RIC1: variants seen among roughly 807,000 people sequenced by gnomAD.
RIC1 encodes the protein RIC1 partner of RAB6A GEF complex.
Under a neutral mutation model 169.0 loss-of-function variants are expected in RIC1, and 88 were observed. The observed-to-expected ratio is 0.52, with a 90% confidence interval of 0.44 to 0.62. RIC1 has a LOEUF of 0.62. RIC1 is among the 20% of genes least tolerant of loss of function. The probability of loss-of-function intolerance (pLI) is 0.00; values close to 1 mark genes in which losing one functional copy is unlikely to be tolerated. For missense variants in RIC1, 1,877 were observed against 1,725.5 expected, an observed-to-expected ratio of 1.09 and a Z score of -1.56; for synonymous variants, 790 against 601.5, an observed-to-expected ratio of 1.31 and a Z score of -4.59.
intron 1 of RIC1, among the ~76,000 whole-genome samples, chr9:5,632,913 A>C (rs1462820427): frequency 2.0e-5 from 3 of 152,206 alleles, no homozygotes; most frequent in Non-Finnish European, 4.4e-5. Context: ...CTCGTTTTTC[A>C]GGTCACCGAC....
chr9:5,648,487 G>C (rs964907880), intron 1 of RIC1, among the ~76,000 whole-genome samples: 7 of 152,116 alleles, frequency 4.6e-5, no homozygotes, highest in African/African-American at 1.7e-4. Context: ...ATGAACTTGG[G>C]GGTGCAAATA....
chr9:5,718,355 C>T (rs1362883096), intron 4 of RIC1, among the ~76,000 whole-genome samples: 1 of 151,912 alleles, frequency 6.6e-6, no homozygotes, highest in Non-Finnish European at 1.5e-5. Flanking sequence ...ATGTGATAGC[C>T]ATGAAGTCTT....
chr9:5,728,417 C>G (rs1385546257), intron 6 of RIC1, among the ~76,000 whole-genome samples: 4 of 152,204 alleles, frequency 2.6e-5, no homozygotes, highest in East Asian at 3.8e-4. Flanking sequence ...GTGGGAGTGT[C>G]CCGATTTTCC....
chr9:5,753,719 T>TTTATCACTTAC lies in RIC1; in HGVS notation c.1602+81_1602+82insTACTTATCACT, dbSNP rs1433295933. 7.8e-6 allele frequency: 5 copies of TTTATCACTTAC among 637,482 alleles called. No individual in the cohort carries two copies. In the East Asian group the frequency reaches 1.4e-4, roughly 18 times the overall value. The allele number at this position is 637,482 out of a possible 1,614,324, so 39.5% of individuals were successfully genotyped here. A position where few individuals can be genotyped will look rare whatever the true frequency, so the allele number is the denominator to read the frequency against. On this transcript the variant is annotated intron_variant, in intron 14 of 25. Coordinates refer to ENST00000414202, the MANE Select transcript of RIC1 (RefSeq NM_020829.4). ...ACTACAATATGAAATAGCTATAAAG[T>TTTATCACTTAC]TTATCACTAAGTAATTTTGGTTACT... is the stretch of plus-strand genomic sequence containing the variant.
At chr9:5,711,085 A>C (rs2130816874) in intron 3 of RIC1, among the ~76,000 whole-genome samples, 1 of 152,282 alleles carries the variant, frequency 6.6e-6, no homozygotes, top group Middle Eastern at 3.4e-3. Context: ...GTGCAATGAT[A>C]AACATTCACA....
At chr9:5,634,647 T>C (rs1817882708) in intron 1 of RIC1, among the ~76,000 whole-genome samples, 1 of 152,192 alleles carries the variant, frequency 6.6e-6, no homozygotes, top group Admixed American at 6.5e-5. Context: ...TTTGCAGATA[T>C]TTTCTCCTAT....
In RIC1 at chr9:5,763,319, G is replaced by C; in HGVS notation, c.2292G>C (p.Leu764Phe). The part of the protein sequence containing the change: ...PRDHRKPHSF[L>F]SQRIMLPFHI... ...ATCACCGCAAGCCCCATTCCTTCTT[G>C]TCCCAGCGGATCATGCTGCCTTTCC... is the stretch of plus-strand genomic sequence containing the variant. Residue 764 changes from leucine to phenylalanine, a missense_variant, in exon 19 of 26, where the codon TTG becomes TTC. Leu to Phe is a conservative substitution (Grantham distance 22). Coordinates refer to ENST00000414202, the MANE Select transcript of RIC1 (RefSeq NM_020829.4). The surrounding 1 kb of genome is among the most constrained non-coding windows in gnomAD (Gnocchi z 5.2). The C allele has an allele frequency of 6.2e-7, 1 of 1,614,130 alleles. No individual in the cohort carries two copies. The highest frequency in any genetic ancestry group is 2.2e-5 in the East Asian group (1 of 44,874).
At chr9:5,668,649 G>A (rs1819921908) in intron 2 of RIC1, among the ~76,000 whole-genome samples, 1 of 151,946 alleles carries the variant, frequency 6.6e-6, no homozygotes, top group Non-Finnish European at 1.5e-5. Context: ...TTTTCCGTCT[G>A]CTCAAATTTG....
intron 2 of RIC1, among the ~76,000 whole-genome samples, chr9:5,674,475 G>A (rs1820317157): frequency 6.6e-6 from 1 of 151,978 alleles, no homozygotes; most frequent in Non-Finnish European, 1.5e-5. Flanking sequence ...CTAGAAATAA[G>A]ACGGTGGTGA....
chr9:5,698,894 C>G (rs532210333), intron 3 of RIC1, among the ~76,000 whole-genome samples: 1 of 152,282 alleles, frequency 6.6e-6, no homozygotes, highest in South Asian at 2.1e-4. Context: ...AGTTCATTAA[C>G]TGCGAGGTTT....
At chr9:5,683,721 TTGTC>T (rs1821007652) in intron 2 of RIC1, among the ~76,000 whole-genome samples, 2 of 152,322 alleles carry the variant, frequency 1.3e-5, no homozygotes, top group South Asian at 4.1e-4. Context: ...TGCCTTTTGT[TTGTC>T]TGTGCCCTGC....
intron 3 of RIC1, among the ~76,000 whole-genome samples, chr9:5,690,720 A>G (rs946080555): frequency 6.6e-6 from 1 of 151,974 alleles, no homozygotes; most frequent in African/African-American, 2.4e-5. Context: ...TTGAATATTA[A>G]CAGAAAAAAA....
chr9:5,723,163 AG>A (rs1271123684), intron 6 of RIC1, among the ~76,000 whole-genome samples: 1 of 152,244 alleles, frequency 6.6e-6, no homozygotes, highest in Non-Finnish European at 1.5e-5. Flanking sequence ...ACTAGTTTAC[AG>A]TCCCACCAAC....
intron 1 of RIC1, among the ~76,000 whole-genome samples, chr9:5,640,627 A>G (rs1818193451): frequency 2.6e-5 from 4 of 152,038 alleles, no homozygotes; most frequent in Admixed American, 2.0e-4. Flanking sequence ...TGCTGTGTAA[A>G]CTACTCAAGT....
At chr9:5,654,600 C>T (rs779392919) in intron 1 of RIC1, among the ~76,000 whole-genome samples, 3 of 151,930 alleles carry the variant, frequency 2.0e-5, no homozygotes, top group African/African-American at 7.3e-5. Flanking sequence ...AGTGCAGTAG[C>T]GCAGTCTCAG....
intron 2 of RIC1, among the ~76,000 whole-genome samples, chr9:5,674,465 C>G (rs1820316531): frequency 6.6e-6 from 1 of 152,054 alleles, no homozygotes; most frequent in Non-Finnish European, 1.5e-5. Flanking sequence ...CCACAAAGTT[C>G]TAGAAATAAG....
At position 5,652,359 on chromosome 9, in the gene RIC1, A is replaced by G. The variant is rs527543575; in HGVS notation, c.145-4224A>G. ...ATCTATAAACATGGGATATCTTTCCATGTATTTGTGTTTTCTTCATTTTAT... is the reference window on the plus strand; with the variant it reads ...ATCTATAAACATGGGATATCTTTCCGTGTATTTGTGTTTTCTTCATTTTAT... On this transcript the variant is annotated intron_variant, in intron 1 of 25. Transcript: ENST00000414202. 4.6e-5 allele frequency among the ~76,000 whole-genome samples: 7 copies of G among 152,270 alleles called. No individual in the cohort carries two copies. In the East Asian group the frequency reaches 7.7e-4, roughly 17 times the overall value.
chr9:5,722,348 A>AGTGTGTGTGTGTGTGT (rs1554673860), intron 6 of RIC1, among the ~76,000 whole-genome samples: 4 of 131,298 alleles, frequency 3.0e-5, no homozygotes, highest in African/African-American at 1.2e-4. Context: ...AGAGAGAGAG[A>AGTGTGTGTGTGTGTGT]GTGTGTGTGT....
At chr9:5,705,979 A>T (rs1206147072) in intron 3 of RIC1, among the ~76,000 whole-genome samples, 2 of 152,162 alleles carry the variant, frequency 1.3e-5, no homozygotes, top group Admixed American at 1.3e-4. Context: ...CCACCATTGT[A>T]TTCTTAGGCT....
Sources: allele counts gnomAD v4.1 joint callset (sites outside exome capture counted in the v4.1 genomes callset), GRCh38; gene constraint gnomAD v4.1.1; non-coding constraint Gnocchi (gnomAD v3.1); transcripts MANE v1.5; gene names NCBI Gene and HGNC (gene_info 2026-07-23, HGNC 2026-07-21).